BCL2L13: variants seen among roughly 807,000 people sequenced by gnomAD.
The protein encoded by BCL2L13 is bcl-2-like protein 13.
In BCL2L13, 13 loss-of-function variants were observed where a neutral mutation model predicts 25.8. The observed-to-expected ratio is 0.50, with a 90% CI of 0.33 to 0.80. The LOEUF is 0.80. Ranked by LOEUF, BCL2L13 falls within the 30% of genes least tolerant of loss-of-function variation. The pLI is 0.02. For synonymous variants in BCL2L13, 244 were observed against 230.3 expected (o/e 1.06, Z -0.54); for missense variants, 504 against 574.9 (o/e 0.88, Z 1.26).
intron 3 of BCL2L13, among the ~76,000 whole-genome samples, chr22:17,683,700 A>G (rs1300675945): frequency 6.6e-6 from 1 of 151,894 alleles, no homozygotes; most frequent in Non-Finnish European, 1.5e-5. Flanking sequence ...CATATATACT[A>G]TAGATAACTG....
At chr22:17,654,346 C>G (rs2058781091) in intron 1 of BCL2L13, among the ~76,000 whole-genome samples, 1 of 152,122 alleles carries the variant, frequency 6.6e-6, no homozygotes, top group African/African-American at 2.4e-5. Flanking sequence ...ATCAACCTGC[C>G]TCTGCCTCCG....
rs886578825 is a variant in BCL2L13, at chr22:17,729,505, A to G, written c.*1971A>G. On this transcript the variant is annotated 3_prime_UTR_variant, in exon 7 of 7. Coordinates refer to ENST00000317582, the MANE Select transcript of BCL2L13 (RefSeq NM_015367.4). ...GCGTTATCTTGATTTTTAAAAAGTAATAAATCCTATGAGTTCCAGTATTAA... is the reference window on the plus strand; with the variant it reads ...GCGTTATCTTGATTTTTAAAAAGTAGTAAATCCTATGAGTTCCAGTATTAA... 1 of 152,226 alleles carries G rather than the reference A, an allele frequency of 6.6e-6. No homozygotes were observed. Among genetic ancestry groups the G allele is most frequent in the East Asian group, 1.9e-4 (1 of 5,200 alleles). The allele number at this position is 152,226 out of a possible 1,614,324, so 9.4% of individuals were successfully genotyped here.
intron 2 of BCL2L13, among the ~76,000 whole-genome samples, chr22:17,677,169 TA>T (rs2059598261): frequency 6.6e-6 from 1 of 151,718 alleles, no homozygotes; most frequent in Non-Finnish European, 1.5e-5. Context: ...AATAAAAAAA[TA>T]AAAAAATAAA....
rs748392054 is a variant in BCL2L13, at chr22:17,655,694, G to A, written c.-18G>A. 1 of 1,604,556 alleles carries A rather than the reference G, an allele frequency of 6.2e-7. No homozygotes were observed. Among genetic ancestry groups the A allele is most frequent in the Admixed American group, 1.7e-5 (1 of 57,848 alleles). ...ACATCCATAAGTAGACCTTTTTGGA[G>A]CCTCACCAGCCAATTCAATGGCGTC... On this transcript the variant is annotated 5_prime_UTR_variant, in exon 2 of 7. Coordinates refer to ENST00000317582, the MANE Select transcript of BCL2L13 (RefSeq NM_015367.4).
intron 3 of BCL2L13, among the ~76,000 whole-genome samples, chr22:17,685,019 G>A (rs1183361799): frequency 2.6e-4 from 39 of 151,574 alleles, no homozygotes; most frequent in Non-Finnish European, 2.9e-5. Context: ...ACAGGCATGA[G>A]CCACCACGCC....
intron 1 of BCL2L13, among the ~76,000 whole-genome samples, chr22:17,645,148 T>C (rs1214491817): frequency 6.6e-6 from 1 of 150,786 alleles, no homozygotes; most frequent in African/African-American, 2.5e-5. Flanking sequence ...AGTAATTTGA[T>C]GGGACAAGTT....
At chr22:17,715,125 TATATATATATATATATATATATA>T (rs2060879695) in intron 6 of BCL2L13, among the ~76,000 whole-genome samples, 1 of 3,106 alleles carries the variant, frequency 3.2e-4, no homozygotes, top group Non-Finnish European at 6.0e-4. Context: ...GTTAATTTTA[TATATATATATATATATATATATA>T]TATATATATA....
chr22:17,630,655 A>G (rs1601415180), intron 1 of BCL2L13, among the ~76,000 whole-genome samples: 5 of 139,296 alleles, frequency 3.6e-5, no homozygotes, highest in Admixed American at 3.6e-4. Context: ...CAGTGGCAGA[A>G]TCTCGGCTCA....
At chr22:17,708,503 T>C (rs112504985) in intron 6 of BCL2L13, among the ~76,000 whole-genome samples, 12 of 152,338 alleles carry the variant, frequency 7.9e-5, no homozygotes, top group African/African-American at 2.9e-4. Flanking sequence ...TTTCAATAGA[T>C]GAAGTGAAGA....
Position 17,726,842 on chromosome 22 carries a change from C to T in BCL2L13, c.766C>T (p.Leu256=). Residue 256 remains leucine (L), a synonymous_variant, in exon 7 of 7, where the codon CTG becomes TTG. Transcript: ENST00000317582. ...SWQSESLPVS[L]SASQSWHTES... is the part of the protein sequence containing the mutation. ...GCAGTCTGAGAGCTTACCTGTGTCA[C>T]TGTCAGCTAGCCAGAGTTGGCACAC... The T allele has an allele frequency of 6.2e-7, 1 of 1,613,974 alleles. No individual in the cohort carries two copies. Among genetic ancestry groups the T allele is most frequent in the Non-Finnish European group, 8.5e-7 (1 of 1,179,840 alleles).
At chr22:17,631,704 ATATTTTTTTTTTTTTT>A (rs2058031827) in intron 1 of BCL2L13, among the ~76,000 whole-genome samples, 4 of 17,422 alleles carry the variant, frequency 2.3e-4, no homozygotes, top group African/African-American at 4.4e-4. Flanking sequence ...ATATATATAT[ATATTTTTTTTTTTTTT>A]TTTTTTTTTT....
At chr22:17,664,202 C>T (rs1465269726) in intron 2 of BCL2L13, among the ~76,000 whole-genome samples, 5 of 152,062 alleles carry the variant, frequency 3.3e-5, no homozygotes, top group African/African-American at 1.2e-4. Flanking sequence ...GCCGGCTGGT[C>T]TCGAACTCCT....
In BCL2L13 at chr22:17,646,716, CTTTTTTT is replaced by C. The variant is rs10684670; in HGVS notation, c.-51+7845_-51+7851del. Among the ~76,000 whole-genome samples, 9 of 89,196 alleles carry C rather than the reference CTTTTTTT, an allele frequency of 1.0e-4. No homozygotes were observed. In the East Asian group the frequency reaches 1.2e-3, roughly 12 times the overall value. The allele number at this position is 89,196 out of a possible 152,430, so 58.5% of individuals were successfully genotyped here. On this transcript the variant is annotated intron_variant, in intron 1 of 6. Coordinates refer to ENST00000317582, the MANE Select transcript of BCL2L13 (RefSeq NM_015367.4). ...TTGAAAAGAATCTTGAAATATCTGT[CTTTTTTT>C]TTTTTTTTTTTTTTGAGATAGAGTC...
chr22:17,701,453 A>G (rs957495907), intron 5 of BCL2L13, among the ~76,000 whole-genome samples: 2 of 152,150 alleles, frequency 1.3e-5, no homozygotes, highest in Non-Finnish European at 2.9e-5. Flanking sequence ...ATATATGTGT[A>G]TATGTTTTTA....
At chr22:17,656,335 C>CT (rs890631679) in intron 2 of BCL2L13, among the ~76,000 whole-genome samples, 3,225 of 57,676 alleles carry the variant, frequency 0.056, 617 homozygotes, top group East Asian at 0.12. Flanking sequence ...TCATTTTATT[C>CT]TTTTTTTTTT....
Position 17,727,305 on chromosome 22 carries a change from G to A in BCL2L13, c.1229G>A (p.Ser410Asn), listed in dbSNP as rs753166854. Reference sequence around the variant, plus strand: ...CTGGAACCCACAGAAACGCTGCTGAGTGAGAAGGAGATAAACGCAAGGGAA... The same window carrying A: ...CTGGAACCCACAGAAACGCTGCTGAATGAGAAGGAGATAAACGCAAGGGAA... Reference protein sequence around the residue: ...PALEPTETLLSEKEINAREES... With the variant: ...PALEPTETLLNEKEINAREES... Residue 410 changes from serine to asparagine, a missense_variant, in exon 7 of 7, where the codon AGT (serine) becomes AAT (asparagine). Physicochemically the swap from Ser to Asn is conservative, Grantham distance 46 (BLOSUM62 1). Coordinates refer to ENST00000317582, the MANE Select transcript of BCL2L13 (RefSeq NM_015367.4). 15 of 1,614,128 alleles carry A rather than the reference G, an allele frequency of 9.3e-6. No individual in the cohort carries two copies. Among genetic ancestry groups the A allele is most frequent in the Non-Finnish European group, 1.2e-5 (14 of 1,180,048 alleles).
At chr22:17,645,851 G>T (rs1381304302) in intron 1 of BCL2L13, among the ~76,000 whole-genome samples, 1 of 151,248 alleles carries the variant, frequency 6.6e-6, no homozygotes, top group Non-Finnish European at 1.5e-5. Flanking sequence ...CCATATCTCT[G>T]CAGATTCCAC....
At chr22:17,651,306 T>G (rs1158915841) in intron 1 of BCL2L13, among the ~76,000 whole-genome samples, 2 of 151,906 alleles carry the variant, frequency 1.3e-5, no homozygotes, top group African/African-American at 4.8e-5. Context: ...CCATTCAGTC[T>G]TCTTAGGTAA....
intron 1 of BCL2L13, among the ~76,000 whole-genome samples, chr22:17,639,968 C>T (rs1190699536): frequency 6.6e-6 from 1 of 152,068 alleles, no homozygotes; most frequent in African/African-American, 2.4e-5. Context: ...CATTCTCCTG[C>T]CTCAGCCTCC....
Sources: allele counts gnomAD v4.1 joint callset (sites outside exome capture counted in the v4.1 genomes callset), GRCh38; gene constraint gnomAD v4.1.1; transcripts MANE v1.5; gene names NCBI Gene and HGNC (gene_info 2026-07-23, HGNC 2026-07-21).